ALMS1: variants seen among roughly 807,000 people sequenced by gnomAD.
The protein encoded by ALMS1 is centrosome-associated protein ALMS1.
In ALMS1, 271 loss-of-function variants were observed where a neutral mutation model predicts 352.2. The observed-to-expected ratio is 0.77, with a 90% confidence interval of 0.70 to 0.85. ALMS1 has a LOEUF of 0.85. Among genes scored for constraint, ALMS1 ranks in the 40% least tolerant of loss-of-function variants. The probability of loss-of-function intolerance (pLI) is 0.00; values close to 1 mark genes in which losing one functional copy is unlikely to be tolerated. For missense variants in ALMS1, 5,445 were observed against 4,870.7 expected, an observed-to-expected ratio of 1.12 and a Z score of -3.51; for synonymous variants, 1,865 against 1,761.2, an observed-to-expected ratio of 1.06 and a Z score of -1.48.
chr2:73,423,966 T>A (rs1671331177), intron 4 of ALMS1, among the ~76,000 whole-genome samples: 1 of 152,000 alleles, frequency 6.6e-6, no homozygotes, highest in Admixed American at 6.6e-5. Flanking sequence ...TCTGTAGAGA[T>A]AGGGTCTTGC....
chr2:73,388,273 A>G (rs1670578149), intron 1 of ALMS1, among the ~76,000 whole-genome samples: 1 of 152,156 alleles, frequency 6.6e-6, no homozygotes, highest in African/African-American at 2.4e-5. Context: ...TTTTAAACAA[A>G]ATTTTAATTT....
intron 16 of ALMS1, among the ~76,000 whole-genome samples, chr2:73,577,762 G>T (rs1428451944): frequency 6.6e-6 from 1 of 152,110 alleles, no homozygotes; most frequent in Non-Finnish European, 1.5e-5. Flanking sequence ...TGTGATCAGA[G>T]AATATATTTT....
At chr2:73,497,806 T>C (rs1412291166) in intron 10 of ALMS1, among the ~76,000 whole-genome samples, 1 of 152,104 alleles carries the variant, frequency 6.6e-6, no homozygotes, top group African/African-American at 2.4e-5. Flanking sequence ...GGCATTTAGG[T>C]TTTTATGTCT....
At chr2:73,551,120 A>G (rs546176707) in intron 13 of ALMS1, among the ~76,000 whole-genome samples, 5 of 152,138 alleles carry the variant, frequency 3.3e-5, no homozygotes, top group Admixed American at 6.5e-5. Flanking sequence ...CAGACTCTCA[A>G]AGTGCTGAGA....
At chr2:73,526,778 T>C (rs903143520) in intron 11 of ALMS1, among the ~76,000 whole-genome samples, 1 of 152,186 alleles carries the variant, frequency 6.6e-6, no homozygotes, top group African/African-American at 2.4e-5. Flanking sequence ...TCTTGTCTGA[T>C]TGCTCGAGCT....
intron 9 of ALMS1, among the ~76,000 whole-genome samples, chr2:73,480,042 T>C (rs1371436847): frequency 6.6e-6 from 1 of 151,976 alleles, no homozygotes; most frequent in Non-Finnish European, 1.5e-5. Context: ...CTGTATCTTT[T>C]GCCCATTTTC....
intron 12 of ALMS1, among the ~76,000 whole-genome samples, chr2:73,548,144 A>G (rs1341832504): frequency 2.0e-5 from 3 of 152,330 alleles, no homozygotes; most frequent in South Asian, 2.1e-4. Context: ...TGGGTCTACA[A>G]TTGAATGTAG....
chr2:73,430,196 C>T (rs1387579321), intron 6 of ALMS1, among the ~76,000 whole-genome samples: 1 of 151,832 alleles, frequency 6.6e-6, no homozygotes, highest in Non-Finnish European at 1.5e-5. Context: ...CCTGCCTCAG[C>T]CTCCTGAGTA....
chr2:73,534,010 C>G (rs1347993933), intron 11 of ALMS1, among the ~76,000 whole-genome samples: 1 of 152,078 alleles, frequency 6.6e-6, no homozygotes, highest in African/African-American at 2.4e-5. Context: ...CATTTTAACA[C>G]AACCTGCATT....
chr2:73,438,155 C>T (rs1391005326), intron 7 of ALMS1, among the ~76,000 whole-genome samples: 1 of 152,132 alleles, frequency 6.6e-6, no homozygotes, highest in Non-Finnish European at 1.5e-5. Flanking sequence ...GGCAGCAATC[C>T]CTCCCTCATC....
Position 73,452,370 on chromosome 2 carries a change from G to A in ALMS1, c.5843G>A (p.Ser1948Asn). ...TACTACTCACGTAGAGAGAAGCCCA[G>A]TGTTATCTCTCAACAGGAGTTGCCA... The part of the protein sequence containing the change: ...LSYYSRREKP[S>N]VISQQELPDS... The change falls in exon 8 of 23, where the codon AGT becomes AAT. Residue 1948 changes from serine to asparagine, a missense_variant. Physicochemically the swap from Ser to Asn is conservative, Grantham distance 46. Transcript: ENST00000613296. 1 of 1,613,786 alleles carries A rather than the reference G, an allele frequency of 6.2e-7. No individual in the cohort carries two copies. The highest frequency in any genetic ancestry group is 1.7e-5 in the Admixed American group (1 of 59,974).
intron 15 of ALMS1, among the ~76,000 whole-genome samples, chr2:73,567,109 T>C (rs972581270): frequency 1.1e-4 from 17 of 152,206 alleles, no homozygotes; most frequent in Admixed American, 6.5e-4. Flanking sequence ...GATTAAATCA[T>C]TGGCCATTGG....
intron 22 of ALMS1, among the ~76,000 whole-genome samples, chr2:73,609,048 G>A (rs190492175): frequency 1.2e-3 from 184 of 152,358 alleles, no homozygotes; most frequent in Non-Finnish European, 2.3e-3. Context: ...TAGAGTCAGC[G>A]TTGCTGCAAG....
In ALMS1 at chr2:73,555,427, A is replaced by G. The variant is rs574768463; in HGVS notation, c.10079-1793A>G. Among the ~76,000 whole-genome samples the G allele has an allele frequency of 4.6e-5, 7 of 152,312 alleles. No homozygotes were observed. In the South Asian group the frequency reaches 1.4e-3, roughly 32 times the overall value. ...ATATATATCTGGAAAAAATAAAATC[A>G]GATAAATCACTGCCACACACTAAAC... On this transcript the variant is annotated intron_variant, in intron 13 of 22. Transcript: ENST00000613296.
intron 1 of ALMS1, among the ~76,000 whole-genome samples, chr2:73,405,358 C>T (rs1253114817): frequency 6.6e-6 from 1 of 152,002 alleles, no homozygotes; most frequent in Non-Finnish European, 1.5e-5. Context: ...CTAGGCTGTC[C>T]AATTAGTTGG....
intron 7 of ALMS1, among the ~76,000 whole-genome samples, chr2:73,442,524 A>G (rs1671739153): frequency 6.6e-6 from 1 of 152,218 alleles, no homozygotes; most frequent in Middle Eastern, 3.4e-3. Flanking sequence ...GTTTTTCCAA[A>G]TTCTTTCTCA....
At chr2:73,581,885 C>A (rs1053647975) in intron 16 of ALMS1, among the ~76,000 whole-genome samples, 4 of 152,022 alleles carry the variant, frequency 2.6e-5, no homozygotes, top group African/African-American at 9.7e-5. Context: ...GCTGGGACTA[C>A]AGGTGTGCAC....
In ALMS1 at chr2:73,451,646, G is replaced by C; in HGVS notation, c.5119G>C (p.Val1707Leu). ...TGCCCAGAAGACTGAGACACCATCA[G>C]TATCCTCTAGTTTATACTCATATAG... is the stretch of plus-strand genomic sequence containing the variant. The part of the protein sequence containing the change: ...PDAQKTETPS[V>L]SSSLYSYREK... The change falls in exon 8 of 23, where the codon GTA becomes CTA. Residue 1707 changes from valine to leucine, a missense_variant. Val to Leu is a conservative substitution (Grantham distance 32). Coordinates refer to ENST00000613296, the MANE Select transcript of ALMS1 (RefSeq NM_001378454.1). 6.2e-7 allele frequency: 1 copy of C among 1,613,966 alleles called. No individual in the cohort carries two copies. The highest frequency in any genetic ancestry group is 1.3e-5 in the African/African-American group (1 of 74,992).
At chr2:73,443,516 T>C (rs2103761505) in intron 7 of ALMS1, among the ~76,000 whole-genome samples, 1 of 152,312 alleles carries the variant, frequency 6.6e-6, no homozygotes, top group East Asian at 1.9e-4. Flanking sequence ...TCCTTACATA[T>C]GTTGCTATAG....
Sources: allele counts gnomAD v4.1 joint callset (sites outside exome capture counted in the v4.1 genomes callset), GRCh38; gene constraint gnomAD v4.1.1; transcripts MANE v1.5; gene names NCBI Gene and HGNC (gene_info 2026-07-23, HGNC 2026-07-21).